Variants in RSPH10B2 observed in about 807,000 individuals in gnomAD.
RSPH10B2 encodes the protein radial spoke head 10 homolog B2.
A neutral mutation model predicts 49.0 loss-of-function variants in RSPH10B2; 9 were observed. That is an observed-to-expected ratio of 0.18 (90% CI 0.11 to 0.32). RSPH10B2 has a LOEUF of 0.32. Ranked by LOEUF, RSPH10B2 falls within the 10% of genes least tolerant of loss-of-function variation. RSPH10B2 has a pLI of 1.00. For missense variants in RSPH10B2, 95 were observed against 589.9 expected (o/e 0.16, Z 8.69); for synonymous variants, 35 against 210.2 (o/e 0.17, Z 7.21).
chr7:6,781,432 C>T (rs377224727), exon 13 of RSPH10B2: 2 of 1,291,998 alleles, frequency 1.5e-6, no homozygotes, highest in Non-Finnish European at 2.0e-6. Flanking sequence ...AGCGCCTCCC[C>T]ACGAGCCTAC....
At chr7:6,792,935 G>A (rs1248625412) in intron 17 of RSPH10B2, among the ~76,000 whole-genome samples, 2 of 114,312 alleles carry the variant, frequency 1.7e-5, no homozygotes, top group African/African-American at 7.0e-5. Context: ...ACTGCACCTT[G>A]TATTTTTAGT....
intron 18 of RSPH10B2, among the ~76,000 whole-genome samples, chr7:6,797,268 C>G (rs1332566283): frequency 2.1e-5 from 3 of 144,034 alleles, no homozygotes; most frequent in African/African-American, 7.4e-5. Flanking sequence ...CTTGGCCTCC[C>G]AAAGTGCTGG....
intron 18 of RSPH10B2, among the ~76,000 whole-genome samples, chr7:6,797,291 G>C (rs567093062): frequency 6.9e-6 from 1 of 145,454 alleles, no homozygotes; most frequent in Non-Finnish European, 1.5e-5. Flanking sequence ...TCACAGGGGT[G>C]AGTCACTGCA....
intron 17 of RSPH10B2, among the ~76,000 whole-genome samples, chr7:6,795,882 T>C (rs571640680): frequency 6.7e-6 from 1 of 148,744 alleles, no homozygotes; most frequent in African/African-American, 2.5e-5. Flanking sequence ...CAGTGAGCCA[T>C]GGTCATGCCA....
intron 1 of RSPH10B2, among the ~76,000 whole-genome samples, chr7:6,758,773 AG>A (rs1485869915): frequency 8.3e-6 from 1 of 120,358 alleles, no homozygotes; most frequent in Non-Finnish European, 1.8e-5. Flanking sequence ...TGAACCCGGG[AG>A]GCAGAGGTTG....
chr7:6,795,622 G>A (rs1215468848), intron 17 of RSPH10B2, among the ~76,000 whole-genome samples: 2 of 133,874 alleles, frequency 1.5e-5, no homozygotes, highest in African/African-American at 5.5e-5. Context: ...TTAGCTGGGT[G>A]TGGTGGCACC....
chr7:6,797,197 C>T (rs112508315), intron 18 of RSPH10B2, among the ~76,000 whole-genome samples: 2 of 131,990 alleles, frequency 1.5e-5, no homozygotes, highest in Non-Finnish European at 3.3e-5. Context: ...TTAGTAGAGA[C>T]GAGGTTTCAC....
chr7:6,780,061 G>A (rs2115449234), intron 11 of RSPH10B2, among the ~76,000 whole-genome samples: 1 of 112,606 alleles, frequency 8.9e-6, no homozygotes, highest in East Asian at 3.3e-4. Flanking sequence ...GACCTCAGGT[G>A]ATCCACCTGC....
At chr7:6,771,923 C>T (rs1490635271) in intron 8 of RSPH10B2, among the ~76,000 whole-genome samples, 2 of 145,578 alleles carry the variant, frequency 1.4e-5, no homozygotes, top group Non-Finnish European at 3.1e-5. Flanking sequence ...GCAGGAGAAT[C>T]GCTTGAACCC....
intron 17 of RSPH10B2, among the ~76,000 whole-genome samples, chr7:6,793,630 G>A (rs1045880412): frequency 2.3e-5 from 3 of 132,176 alleles, no homozygotes; most frequent in African/African-American, 8.7e-5. Context: ...CAGATCACAA[G>A]GTCAGGAGTT....
intron 17 of RSPH10B2, chr7:6,794,072 A>C (rs1226802203): frequency 3.6e-4 from 34 of 95,752 alleles, no homozygotes; most frequent in African/African-American, 1.5e-3. Context: ...GGCTGTGTAC[A>C]TACTCACCTT....
At chr7:6,782,647 A>G (rs2692580) in intron 13 of RSPH10B2, among the ~76,000 whole-genome samples, 7,010 of 84,774 alleles carry the variant, frequency 0.083, 238 homozygotes, top group Middle Eastern at 0.14. Context: ...TTTGGAAGGC[A>G]GAGGGGGTGG....
intron 16 of RSPH10B2, among the ~76,000 whole-genome samples, chr7:6,791,574 T>C (rs1321549328): frequency 1.4e-5 from 2 of 144,028 alleles, no homozygotes; most frequent in Admixed American, 1.4e-4. Context: ...TGAAACCCCA[T>C]CTCTACTAAA....
chr7:6,769,812 C>T (rs1369009091), intron 7 of RSPH10B2, among the ~76,000 whole-genome samples: 1 of 73,966 alleles, frequency 1.4e-5, no homozygotes, highest in Non-Finnish European at 2.7e-5. Flanking sequence ...GTTTGCCAAG[C>T]TGGCCTCCTG....
At chr7:6,782,048 G>T (rs1781957675) in intron 13 of RSPH10B2, among the ~76,000 whole-genome samples, 1 of 110,884 alleles carries the variant, frequency 9.0e-6, no homozygotes, top group Admixed American at 1.1e-4. Context: ...TAAGTAGCTG[G>T]GATTACAGGT....
chr7:6,796,160 A>T (rs1185473130), intron 17 of RSPH10B2, among the ~76,000 whole-genome samples: 1 of 128,118 alleles, frequency 7.8e-6, no homozygotes, highest in Non-Finnish European at 1.7e-5. Context: ...TCTCTACTAA[A>T]AATACAAAAA....
chr7:6,787,155 A>AC, intron 15 of RSPH10B2, 134 bp downstream of exon 17: 1 of 846,608 alleles, frequency 1.2e-6, no homozygotes. Context: ...GAAGATCGAG[A>AC]CCATCCTGGC....
Position 6,780,779 on chromosome 7 carries a change from A to G in RSPH10B2, c.1530-30A>G, listed in dbSNP as rs573001516. ...ATGTTCCCTCTTTTGGAGGAGAAGTAACTATGGTATCTTTTGATGATTATC... is the reference window on the plus strand; with the variant it reads ...ATGTTCCCTCTTTTGGAGGAGAAGTGACTATGGTATCTTTTGATGATTATC... On this transcript the variant is annotated intron_variant, in intron 11 of 18. Transcript: ENST00000297186. 69 of 1,366,690 alleles carry G rather than the reference A, an allele frequency of 5.0e-5. 15 individuals are homozygous for G. The African/African-American group carries it at 5.7e-4, about 11-fold the overall frequency. The allele number at this position is 1,366,690 out of a possible 1,614,324, so 84.7% of individuals were successfully genotyped here.
At chr7:6,760,861 G>C (rs1415766074) in intron 3 of RSPH10B2, among the ~76,000 whole-genome samples, 1 of 93,294 alleles carries the variant, frequency 1.1e-5, no homozygotes, top group Non-Finnish European at 2.1e-5. Flanking sequence ...GCAGCACGCG[G>C]CTAATTTATT....
Sources: gnomAD v4.1 joint callset for allele counts (sites outside exome capture counted in the v4.1 genomes callset) on GRCh38, gnomAD v4.1.1 for gene constraint, MANE v1.5 for transcripts, NCBI Gene and HGNC (gene_info 2026-07-23, HGNC 2026-07-21) for gene names.